CALHM3: variants seen among roughly 807,000 people sequenced by gnomAD.
CALHM3 encodes the protein calcium homeostasis modulator protein 3.
Under a neutral mutation model 13.6 loss-of-function variants are expected in CALHM3, and 9 were observed. That is an observed-to-expected ratio of 0.66 (90% CI 0.40 to 1.15). The LOEUF (loss-of-function observed/expected upper bound fraction) is 1.15. CALHM3 is among the 50% of genes most tolerant of loss of function. CALHM3 has a pLI of 0.01. For synonymous variants in CALHM3, 231 were observed against 213.2 expected (o/e 1.08, Z -0.73); for missense variants, 497 against 463.4 (o/e 1.07, Z -0.67).
intron 2 of CALHM3, among the ~76,000 whole-genome samples, chr10:103,474,102 A>C (rs1275608116): frequency 6.6e-6 from 1 of 152,082 alleles, no homozygotes; most frequent in Non-Finnish European, 1.5e-5. Context: ...CTCCTTTTAC[A>C]TTTCCCATCC....
rs772062343 is a variant in CALHM3, at chr10:103,473,437, G to A, written c.811C>T (p.Pro271Ser). Residue 271 changes from proline to serine, a missense_variant, in exon 3 of 3, where the codon CCC becomes TCC. Physicochemically the swap from Pro to Ser is moderately conservative, Grantham distance 74. Transcript: ENST00000369783. ...RGNAGRRLELPAVPEPPEGLD... is the reference protein window; with the variant it reads ...RGNAGRRLELSAVPEPPEGLD... ...CCTTCTGGGGGCTCAGGCACTGCGG[G>A]GAGCTCGAGTCTCCTGCCTGCATTG... The A allele has an allele frequency of 7.2e-6, 11 of 1,530,826 alleles. No individual in the cohort carries two copies. In the East Asian group the frequency reaches 9.8e-5, roughly 14 times the overall value. The allele number at this position is 1,530,826 out of a possible 1,614,324, so 94.8% of individuals were successfully genotyped here. A position where few individuals can be genotyped will look rare whatever the true frequency, so the allele number is the denominator to read the frequency against.
Position 103,476,490 on chromosome 10 carries a change from A to G in CALHM3, c.347T>C (p.Leu116Pro), listed in dbSNP as rs894744089. The change falls in exon 2 of 3, where the codon CTG becomes CCG. Residue 116 changes from leucine to proline, a missense_variant. Coordinates refer to ENST00000369783, the MANE Select transcript of CALHM3 (RefSeq NM_001129742.2). ...GAAGCACTTCCCGTCAAGGAGGGCC[A>G]GCAGGATCCAGACCAGGGGGGCGGC... ...ALAAPLVWIL[L>P]ALLDGKCFVC... is the part of the protein sequence containing the mutation. The G allele has an allele frequency of 1.8e-5, 28 of 1,551,586 alleles. No individual in the cohort carries two copies. The highest frequency in any genetic ancestry group is 2.2e-5 in the Non-Finnish European group (25 of 1,147,008).
At position 103,473,417 on chromosome 10, in the gene CALHM3, T is replaced by C; in HGVS notation, c.831A>G (p.Pro277=). The change falls in exon 3 of 3, where the codon CCA becomes CCG. Residue 277 remains proline, a synonymous_variant. Transcript: ENST00000369783. ...TCCCACTTCCACTATCCAGGCCTTC[T>C]GGGGGCTCAGGCACTGCGGGGAGCT... ...RLELPAVPEP[P]EGLDSGSGKA... is the part of the protein sequence containing the mutation. 1 of 1,517,368 alleles carries C rather than the reference T, an allele frequency of 6.6e-7. No homozygotes were observed. Among genetic ancestry groups the C allele is most frequent in the East Asian group, 2.5e-5 (1 of 40,374 alleles). The allele number at this position is 1,517,368 out of a possible 1,614,324, so 94.0% of individuals were successfully genotyped here.
intron 1 of CALHM3, among the ~76,000 whole-genome samples, chr10:103,477,663 A>G (rs995294644): frequency 6.6e-6 from 1 of 152,092 alleles, no homozygotes. Flanking sequence ...TCTGCCTCCC[A>G]GGTTCAAGCG....
rs1202170213 is a variant in CALHM3, at chr10:103,478,943, G to A, written c.90C>T (p.Thr30=). The change falls in exon 1 of 3, where the codon ACC becomes ACT. Residue 30 remains threonine (T), a synonymous_variant. Coordinates refer to ENST00000369783, the MANE Select transcript of CALHM3 (RefSeq NM_001129742.2). ...NGICLLLAAV[T]VKLYSSFDFN... ...AGTCAAAGGAGGAGTACAGCTTGAC[G>A]GTGACCGCAGCCAGCAGCAGGCAGA... The A allele has an allele frequency of 5.2e-6, 8 of 1,551,728 alleles. No homozygotes were observed. Among genetic ancestry groups the A allele is most frequent in the Non-Finnish European group, 7.0e-6 (8 of 1,147,004 alleles).
chr10:103,476,943 G>A lies in CALHM3; in HGVS notation c.288-394C>T, dbSNP rs143872932. 3.4e-3 allele frequency among the ~76,000 whole-genome samples: 517 copies of A among 152,342 alleles called. 1 individual carries two copies. Among genetic ancestry groups the A allele is most frequent in the Non-Finnish European group, 6.0e-3 (411 of 68,012 alleles). On this transcript the variant is annotated intron_variant, in intron 1 of 2. Transcript: ENST00000369783. The stretch of plus-strand genomic sequence containing the variant: ...CAGAGAGGGGTAGGCTGGAAGCACT[G>A]AAAAGTTAACCCCCAAATCAACCTT...
chr10:103,473,534 G>C lies in CALHM3; in HGVS notation c.714C>G (p.Phe238Leu). 1 of 1,551,142 alleles carries C rather than the reference G, an allele frequency of 6.4e-7. No individual in the cohort carries two copies. The highest frequency in any genetic ancestry group is 8.7e-7 in the Non-Finnish European group (1 of 1,147,010). ...DETCCEHARD[F>L]AHRCVLHFFA... ...AGAAGTGCAGCACGCAGCGGTGCGC[G>C]AAGTCCCGCGCATGCTCACAGCAGG... The change falls in exon 3 of 3, where the codon TTC becomes TTG. Residue 238 changes from phenylalanine to leucine, a missense_variant. By Grantham distance (22) the Phe-to-Leu change is conservative (BLOSUM62 0). Transcript: ENST00000369783.
chr10:103,477,101 T>G (rs915961692), intron 1 of CALHM3, among the ~76,000 whole-genome samples: 1 of 152,174 alleles, frequency 6.6e-6, no homozygotes, highest in Non-Finnish European at 1.5e-5. Flanking sequence ...TGCCCACTCA[T>G]TATCACATTC....
Position 103,478,800 on chromosome 10 carries a change from A to G in CALHM3, c.233T>C (p.Val78Ala). 6.4e-7 allele frequency: 1 copy of G among 1,551,232 alleles called. No individual in the cohort carries two copies. The highest frequency in any genetic ancestry group is 8.7e-7 in the Non-Finnish European group (1 of 1,146,856). The change falls in exon 1 of 3, where the codon GTC becomes GCC. Residue 78 changes from valine (V) to alanine (A), a missense_variant. By Grantham distance (64) the Val-to-Ala change is moderately conservative (BLOSUM62 0). Transcript: ENST00000369783. ...CCCTGCGGGCCGGCGCCACTCCTCG[A>G]CCATCACCACAGACTGCCGGTTGGC... ...LLANRQSVVM[V>A]EEWRRPAGHR...
intron 1 of CALHM3, among the ~76,000 whole-genome samples, chr10:103,477,524 C>G (rs1413532262): frequency 6.6e-6 from 1 of 152,216 alleles, no homozygotes; most frequent in Non-Finnish European, 1.5e-5. Flanking sequence ...ATGGCCTACC[C>G]AGTGTGAGCT....
rs187983992 is a variant in CALHM3 at position 103,473,529 on chromosome 10, T to G, written c.719A>C (p.His240Pro). The G allele has an allele frequency of 1.9e-6, 3 of 1,551,162 alleles. No homozygotes were observed. Among genetic ancestry groups the G allele is most frequent in the Non-Finnish European group, 2.6e-6 (3 of 1,147,008 alleles). ...TCCEHARDFA[H>P]RCVLHFFASM... ...GGCAAAGAAGTGCAGCACGCAGCGG[T>G]GCGCGAAGTCCCGCGCATGCTCACA... Residue 240 changes from histidine (H) to proline (P), a missense_variant, in exon 3 of 3, where the codon CAC becomes CCC. Coordinates refer to ENST00000369783, the MANE Select transcript of CALHM3 (RefSeq NM_001129742.2).
In CALHM3 at chr10:103,473,062, G is replaced by A. The variant is rs1243680929; in HGVS notation, c.*151C>T. The stretch of plus-strand genomic sequence containing the variant: ...TGAAGCGCGCTGGAGGCCACACCCA[G>A]AAACTAGGCAGAGATTGGGCTACTT... On this transcript the variant is annotated 3_prime_UTR_variant, in exon 3 of 3. Coordinates refer to ENST00000369783, the MANE Select transcript of CALHM3 (RefSeq NM_001129742.2). The A allele has an allele frequency of 3.5e-6, 3 of 860,884 alleles. No homozygotes were observed. The African/African-American group carries it at 5.3e-5, about 15-fold the overall frequency. 53.3% of individuals were successfully genotyped at this position (860,884 alleles called of 1,614,324 possible).
intron 1 of CALHM3, among the ~76,000 whole-genome samples, 174 bp downstream of exon 1, chr10:103,478,572 A>G (rs959202374): frequency 6.6e-6 from 1 of 152,234 alleles, no homozygotes; most frequent in Non-Finnish European, 1.5e-5. Context: ...CTGTGAGCCG[A>G]TAATTCCTAG....
chr10:103,474,363 G>C (rs2033364179), intron 2 of CALHM3, among the ~76,000 whole-genome samples: 1 of 151,922 alleles, frequency 6.6e-6, no homozygotes, highest in Admixed American at 6.6e-5. Context: ...ATTCATTCAT[G>C]CTCTCATATG....
In CALHM3 at chr10:103,473,540, C is replaced by T. The variant is rs1362781191; in HGVS notation, c.708G>A (p.Arg236=). 1 of 1,551,172 alleles carries T rather than the reference C, an allele frequency of 6.4e-7. No individual in the cohort carries two copies. Among genetic ancestry groups the T allele is most frequent in the East Asian group, 2.4e-5 (1 of 40,920 alleles). ...LFDETCCEHA[R]DFAHRCVLHF... is the part of the protein sequence containing the mutation. ...GCAGCACGCAGCGGTGCGCGAAGTC[C>T]CGCGCATGCTCACAGCAGGTCTCGT... is the stretch of plus-strand genomic sequence containing the variant. The change falls in exon 3 of 3, where the codon CGG becomes CGA. Residue 236 remains arginine, a synonymous_variant. Transcript: ENST00000369783.
Position 103,476,413 on chromosome 10 carries a change from T to C in CALHM3, c.424A>G (p.Asn142Asp), listed in dbSNP as rs1206387196. ...VDPEKFLDFA[N>D]MTPSQVQLFL... is the part of the protein sequence containing the mutation. ...AGCTGTACCTGGCTGGGGGTCATGT[T>C]GGCAAAGTCCAGAAACTTCTCAGGG... The change falls in exon 2 of 3, where the codon AAC (asparagine) becomes GAC (aspartate). Residue 142 changes from asparagine (N) to aspartate (D), a missense_variant. By Grantham distance (23) the Asn-to-Asp change is conservative. Coordinates refer to ENST00000369783, the MANE Select transcript of CALHM3 (RefSeq NM_001129742.2). The C allele has an allele frequency of 1.9e-6, 3 of 1,551,750 alleles. No homozygotes were observed. Among genetic ancestry groups the C allele is most frequent in the South Asian group, 2.4e-5 (2 of 84,056 alleles).
At chr10:103,475,709 G>A (rs2033379843) in intron 2 of CALHM3, among the ~76,000 whole-genome samples, 1 of 152,234 alleles carries the variant, frequency 6.6e-6, no homozygotes, top group Admixed American at 6.5e-5. Context: ...TGCTCCGTGT[G>A]TAGTGGGTTC....
chr10:103,476,110 G>A (rs576642427), intron 2 of CALHM3, among the ~76,000 whole-genome samples, 184 bp downstream of exon 2: 2 of 152,308 alleles, frequency 1.3e-5, no homozygotes, highest in East Asian at 1.9e-4. Context: ...TATTTCTCAC[G>A]GGTGGGAAGA....
Position 103,473,441 on chromosome 10 carries a change from C to A in CALHM3, c.807G>T (p.Glu269Asp). 1.3e-6 allele frequency: 2 copies of A among 1,532,518 alleles called. No homozygotes were observed. Among genetic ancestry groups the A allele is most frequent in the Admixed American group, 2.0e-5 (1 of 49,784 alleles). The allele number at this position is 1,532,518 out of a possible 1,614,324, so 94.9% of individuals were successfully genotyped here. ...CTGGGGGCTCAGGCACTGCGGGGAGCTCGAGTCTCCTGCCTGCATTGCCCC... is the reference window on the plus strand; with the variant it reads ...CTGGGGGCTCAGGCACTGCGGGGAGATCGAGTCTCCTGCCTGCATTGCCCC... ...LRRGNAGRRL[E>D]LPAVPEPPEG... Residue 269 changes from glutamate to aspartate, a missense_variant, in exon 3 of 3, where the codon GAG (glutamate) becomes GAT (aspartate). Physicochemically the swap from Glu to Asp is conservative, Grantham distance 45 (BLOSUM62 2). Coordinates refer to ENST00000369783, the MANE Select transcript of CALHM3 (RefSeq NM_001129742.2).
Sources: gnomAD v4.1 joint callset for allele counts (sites outside exome capture counted in the v4.1 genomes callset) on GRCh38, gnomAD v4.1.1 for gene constraint, MANE v1.5 for transcripts, NCBI Gene and HGNC (gene_info 2026-07-23, HGNC 2026-07-21) for gene names.